Variants in MAGI2 observed in about 807,000 individuals in gnomAD.
The protein encoded by MAGI2 is membrane-associated guanylate kinase, WW and PDZ domain-containing protein 2.
In MAGI2, 35 loss-of-function variants were observed where a neutral mutation model predicts 133.3. The ratio of observed to expected loss-of-function variants is 0.26; its 90% CI spans 0.20 to 0.35. The LOEUF is 0.35. Among genes scored for constraint, MAGI2 ranks in the 10% least tolerant of loss-of-function variants. MAGI2 has a pLI of 1.00. For synonymous variants in MAGI2, 729 were observed against 710.6 expected (o/e 1.03, Z -0.41); for missense variants, 1,636 against 1,863.4 (o/e 0.88, Z 2.25).
intron 9 of MAGI2, among the ~76,000 whole-genome samples, chr7:78,267,160 TTGATC>T (rs1794103971): frequency 6.6e-6 from 1 of 152,194 alleles, no homozygotes; most frequent in Admixed American, 6.5e-5. Flanking sequence ...TTCTATTATG[TTGATC>T]TACTCTTTCA....
At chr7:78,885,628 A>AGTGTGTGTGTGTGTGT (rs61111430) in intron 2 of MAGI2, among the ~76,000 whole-genome samples, 5,315 of 148,896 alleles carry the variant, frequency 0.036, 120 homozygotes, top group Non-Finnish European at 0.053. Context: ...TGAAAGGAAT[A>AGTGTGTGTGTGTGTGT]GTGTGTGTGT....
At chr7:79,336,998 AG>A (rs988043315) in intron 1 of MAGI2, among the ~76,000 whole-genome samples, 5 of 82,916 alleles carry the variant, frequency 6.0e-5, no homozygotes, top group African/African-American at 2.1e-4. Flanking sequence ...CTTCTGTCAC[AG>A]AAAAAAAAAA....
rs987681873 is a variant in MAGI2 at position 78,378,952 on chromosome 7, C to T, written c.1046-9739G>A. 1.1e-4 allele frequency among the ~76,000 whole-genome samples: 17 copies of T among 151,946 alleles called. 1 individual carries two copies. Among genetic ancestry groups the T allele is most frequent in the Non-Finnish European group, 5.9e-5 (4 of 67,936 alleles). On this transcript the variant is annotated intron_variant, in intron 6 of 21. Transcript: ENST00000354212. ...AGCTCACGTACTATTGCTTAGGCAA[C>T]AGGTGAGAGTCAATGAATATTATTT...
chr7:78,165,771 C>T (rs1041988459), intron 15 of MAGI2, among the ~76,000 whole-genome samples: 6 of 152,212 alleles, frequency 3.9e-5, no homozygotes, highest in Admixed American at 3.9e-4. Flanking sequence ...ACGACAATGA[C>T]AGCAACAGTC....
At chr7:79,398,987 CCTT>C (rs766758085) in intron 1 of MAGI2, among the ~76,000 whole-genome samples, 53 of 152,010 alleles carry the variant, frequency 3.5e-4, no homozygotes, top group Admixed American at 8.5e-4. Context: ...CAAAATATTT[CCTT>C]CACTTAACAA....
At chr7:79,119,792 A>G (rs1044277045) in intron 1 of MAGI2, among the ~76,000 whole-genome samples, 1 of 152,042 alleles carries the variant, frequency 6.6e-6, no homozygotes, top group Non-Finnish European at 1.5e-5. Flanking sequence ...AGCTATCTAC[A>G]GTATGTTATT....
intron 1 of MAGI2, among the ~76,000 whole-genome samples, chr7:79,079,363 G>A (rs1164371520): frequency 6.6e-6 from 1 of 152,138 alleles, no homozygotes; most frequent in Admixed American, 6.5e-5. Flanking sequence ...TTCATATACA[G>A]TTTAAGAGGA....
chr7:78,069,990 A>G (rs1814314461), intron 21 of MAGI2, among the ~76,000 whole-genome samples: 1 of 151,462 alleles, frequency 6.6e-6, no homozygotes, highest in Non-Finnish European at 1.5e-5. Context: ...ATACCTCTTT[A>G]TTCACTCATC....
chr7:78,529,303 A>G (rs1584510070), intron 3 of MAGI2, among the ~76,000 whole-genome samples: 1 of 152,134 alleles, frequency 6.6e-6, no homozygotes, highest in Non-Finnish European at 1.5e-5. Flanking sequence ...TGGCTAGGGA[A>G]GGTGGTTTGT....
intron 21 of MAGI2, among the ~76,000 whole-genome samples, chr7:78,026,327 C>A (rs996678922): frequency 1.3e-5 from 2 of 152,126 alleles, no homozygotes; most frequent in Non-Finnish European, 2.9e-5. Flanking sequence ...TGATATATAA[C>A]CAAAGTGATG....
chr7:78,677,414 T>C (rs977398166), intron 2 of MAGI2, among the ~76,000 whole-genome samples: 3 of 149,312 alleles, frequency 2.0e-5, no homozygotes, highest in Admixed American at 6.6e-5. Context: ...TTAAAGTATA[T>C]TTTTTATGCT....
chr7:78,400,146 C>T (rs1164511139), intron 6 of MAGI2, among the ~76,000 whole-genome samples: 1 of 152,084 alleles, frequency 6.6e-6, no homozygotes, highest in Non-Finnish European at 1.5e-5. Flanking sequence ...ATGTATGGAC[C>T]AATACCATCG....
chr7:78,682,432 T>C (rs536954811), intron 2 of MAGI2, among the ~76,000 whole-genome samples: 1 of 152,238 alleles, frequency 6.6e-6, no homozygotes, highest in African/African-American at 2.4e-5. Flanking sequence ...GTCCATGTGT[T>C]CTCATTGTTC....
intron 5 of MAGI2, among the ~76,000 whole-genome samples, chr7:78,497,766 T>TCTGTCTGTCTGTCTGTCTGTCTA (rs1385517709): frequency 7.4e-6 from 1 of 135,312 alleles, no homozygotes; most frequent in African/African-American, 2.7e-5. Context: ...CTATCTATCT[T>TCTGTCTGTCTGTCTGTCTGTCTA]TCTATCTTAT....
intron 10 of MAGI2, among the ~76,000 whole-genome samples, chr7:78,226,113 TC>T (rs1789350456): frequency 6.6e-6 from 1 of 151,982 alleles, no homozygotes; most frequent in African/African-American, 2.4e-5. Flanking sequence ...ATTACTCATG[TC>T]AATTTGCCAT....
chr7:79,011,924 C>CCTTTCTTTCTTT (rs147300397), intron 1 of MAGI2, among the ~76,000 whole-genome samples: 150 of 121,278 alleles, frequency 1.2e-3, no homozygotes, highest in East Asian at 5.9e-3. Context: ...TTCCTTCCTT[C>CCTTTCTTTCTTT]CTTTCTTTCT....
chr7:78,308,544 T>G (rs1395133742), intron 9 of MAGI2, among the ~76,000 whole-genome samples: 1 of 152,074 alleles, frequency 6.6e-6, no homozygotes, highest in Non-Finnish European at 1.5e-5. Context: ...TTTTTCTTTT[T>G]TTTTCTGGAA....
intron 1 of MAGI2, among the ~76,000 whole-genome samples, chr7:79,037,157 T>C (rs1256831529): frequency 6.6e-6 from 1 of 152,166 alleles, no homozygotes; most frequent in African/African-American, 2.4e-5. Context: ...TAAGCAGCAA[T>C]ATAATAACTA....
chr7:78,895,972 G>A (rs894080109), intron 2 of MAGI2, among the ~76,000 whole-genome samples: 20 of 151,892 alleles, frequency 1.3e-4, no homozygotes, highest in African/African-American at 4.8e-4. Context: ...TTTGGCATTT[G>A]GAAAAATTTT....
Sources: gnomAD v4.1 joint callset for allele counts (sites outside exome capture counted in the v4.1 genomes callset) on GRCh38, gnomAD v4.1.1 for gene constraint, MANE v1.5 for transcripts, NCBI Gene and HGNC (gene_info 2026-07-23, HGNC 2026-07-21) for gene names.